The following NRXN1 variants were observed in gnomAD, a reference collection of about 807,000 sequenced individuals.
NRXN1 encodes the protein neurexin-1.
A neutral mutation model predicts 150.9 loss-of-function variants in NRXN1; 39 were observed. The ratio of observed to expected loss-of-function variants is 0.26; its 90% CI spans 0.20 to 0.34. The LOEUF (loss-of-function observed/expected upper bound fraction) is 0.34. Ranked by LOEUF, NRXN1 falls within the 10% of genes least tolerant of loss-of-function variation. The pLI is 1.00. For missense variants in NRXN1, 1,815 were observed against 1,949.9 expected, an observed-to-expected ratio of 0.93 and a Z score of 1.30; for synonymous variants, 924 against 757.0, an observed-to-expected ratio of 1.22 and a Z score of -3.62.
chr2:50,157,664 C>T (rs900456549), intron 18 of NRXN1, among the ~76,000 whole-genome samples: 1 of 151,732 alleles, frequency 6.6e-6, no homozygotes, highest in Non-Finnish European at 1.5e-5. Context: ...GTAAGATAGA[C>T]GAAATGTTGT....
intron 18 of NRXN1, among the ~76,000 whole-genome samples, chr2:50,142,306 G>T (rs1707384370): frequency 1.3e-5 from 2 of 151,836 alleles, no homozygotes; most frequent in African/African-American, 4.8e-5. Flanking sequence ...GCTGAGAAGG[G>T]TGTTCATGTG....
At chr2:50,990,077 G>A (rs995980424) in intron 2 of NRXN1, among the ~76,000 whole-genome samples, 4 of 151,956 alleles carry the variant, frequency 2.6e-5, no homozygotes, top group African/African-American at 9.7e-5. Flanking sequence ...GACTAATGAT[G>A]TTGAGCATCT....
At chr2:50,703,001 A>C (rs1269951126) in intron 5 of NRXN1, among the ~76,000 whole-genome samples, 1 of 152,104 alleles carries the variant, frequency 6.6e-6, no homozygotes, top group Non-Finnish European at 1.5e-5. Flanking sequence ...AGTGAGAGAA[A>C]AGTAACACCT....
At chr2:50,661,045 A>T (rs76448931) in intron 5 of NRXN1, among the ~76,000 whole-genome samples, 49 of 151,886 alleles carry the variant, frequency 3.2e-4, no homozygotes, top group African/African-American at 1.2e-3. Flanking sequence ...CATGACTAGA[A>T]TCTTACCTCA....
chr2:50,611,992 G>A (rs1266485565), intron 8 of NRXN1, among the ~76,000 whole-genome samples: 2 of 152,058 alleles, frequency 1.3e-5, no homozygotes, highest in Admixed American at 6.6e-5. Context: ...AGGTTCCTAC[G>A]AAGCTCATTT....
At chr2:50,296,242 A>G (rs1401626103) in intron 17 of NRXN1, among the ~76,000 whole-genome samples, 1 of 152,206 alleles carries the variant, frequency 6.6e-6, no homozygotes, top group Non-Finnish European at 1.5e-5. Context: ...TTTGTCACTT[A>G]TCCATCTGAC....
intron 17 of NRXN1, among the ~76,000 whole-genome samples, chr2:50,248,474 C>T (rs116473145): frequency 1.4e-3 from 218 of 152,172 alleles, no homozygotes; most frequent in African/African-American, 4.9e-3. Context: ...TTTGTTCTAC[C>T]TAATAAATTT....
intron 12 of NRXN1, among the ~76,000 whole-genome samples, chr2:50,521,382 T>G (rs567247669): frequency 6.6e-6 from 1 of 152,172 alleles, no homozygotes; most frequent in Non-Finnish European, 1.5e-5. Flanking sequence ...ATTGTATGAA[T>G]GATGAACTCA....
chr2:50,924,549 T>C (rs376374165), intron 3 of NRXN1, among the ~76,000 whole-genome samples: 1 of 151,710 alleles, frequency 6.6e-6, no homozygotes, highest in East Asian at 1.9e-4. Context: ...AAAATAACTT[T>C]TAAACTCAGT....
intron 18 of NRXN1, 91 bp from the exon 19 acceptor site, chr2:50,091,585 C>A: frequency 1.5e-6 from 2 of 1,332,982 alleles, no homozygotes; most frequent in South Asian, 2.4e-5. Context: ...TTAAAATGTG[C>A]TTTGGACAAC....
intron 5 of NRXN1, among the ~76,000 whole-genome samples, chr2:50,907,389 A>G (rs1683867945): frequency 6.6e-6 from 1 of 152,064 alleles, no homozygotes; most frequent in South Asian, 2.1e-4. Context: ...ACTTTGATTA[A>G]CTAAGTTTGT....
intron 17 of NRXN1, among the ~76,000 whole-genome samples, chr2:50,442,278 G>C (rs1165450419): frequency 6.6e-6 from 1 of 152,022 alleles, no homozygotes; most frequent in African/African-American, 2.4e-5. Flanking sequence ...CCTACATGTT[G>C]CCTATCATTA....
chr2:50,639,323 C>T (rs535177889), intron 5 of NRXN1, among the ~76,000 whole-genome samples: 4 of 150,486 alleles, frequency 2.7e-5, no homozygotes, highest in Non-Finnish European at 5.9e-5. Context: ...TGGGTTCAAG[C>T]GATTCTCCTG....
chr2:50,993,719 C>T (rs1482655747), intron 2 of NRXN1, among the ~76,000 whole-genome samples: 1 of 151,848 alleles, frequency 6.6e-6, no homozygotes, highest in Non-Finnish European at 1.5e-5. Context: ...ATCCATATAG[C>T]AGGCCATGTT....
At chr2:50,602,499 A>G (rs184012526) in intron 8 of NRXN1, among the ~76,000 whole-genome samples, 3 of 152,226 alleles carry the variant, frequency 2.0e-5, no homozygotes, top group Admixed American at 2.0e-4. Flanking sequence ...TTCCAGAATC[A>G]ACAATCACTT....
chr2:50,300,116 A>T (rs2152953740), intron 17 of NRXN1, among the ~76,000 whole-genome samples: 1 of 152,270 alleles, frequency 6.6e-6, no homozygotes, highest in Admixed American at 6.5e-5. Flanking sequence ...AGAATATGAG[A>T]GCAATTTTTC....
At chr2:50,558,871 T>C (rs922366030) in intron 8 of NRXN1, among the ~76,000 whole-genome samples, 15 of 151,974 alleles carry the variant, frequency 9.9e-5, no homozygotes, top group Admixed American at 2.0e-4. Context: ...GGTCAGGAGA[T>C]CGAGATAGAG....
At chr2:50,690,486 T>C (rs918666206) in intron 5 of NRXN1, among the ~76,000 whole-genome samples, 1 of 152,158 alleles carries the variant, frequency 6.6e-6, no homozygotes, top group Admixed American at 6.5e-5. Flanking sequence ...CATCACAGCC[T>C]TGCACATGAG....
intron 21 of NRXN1, chr2:50,016,482 G>A (rs1351977755): frequency 2.0e-5 from 3 of 152,166 alleles, no homozygotes; most frequent in Non-Finnish European, 4.4e-5. Context: ...AAAGGAAAGA[G>A]GTTTAATTTA....
Sources: allele counts gnomAD v4.1 joint callset (sites outside exome capture counted in the v4.1 genomes callset), GRCh38; gene constraint gnomAD v4.1.1; transcripts MANE v1.5; gene names NCBI Gene and HGNC (gene_info 2026-07-23, HGNC 2026-07-21).